MAGI1: variants seen among roughly 807,000 people sequenced by gnomAD.
MAGI1 encodes the protein membrane associated guanylate kinase, WW and PDZ domain containing 1, also known as membrane-associated guanylate kinase, WW and PDZ domain-containing protein 1.
In MAGI1, 58 loss-of-function variants were observed where a neutral mutation model predicts 139.9. That is an observed-to-expected ratio of 0.41 (90% confidence interval 0.34 to 0.52). The LOEUF is 0.52. Among genes scored for constraint, MAGI1 ranks in the 20% least tolerant of loss-of-function variants. MAGI1 has a pLI of 0.12. For missense variants in MAGI1, 1,874 were observed against 1,901.6 expected, an observed-to-expected ratio of 0.99 and a Z score of 0.27; for synonymous variants, 812 against 737.9, an observed-to-expected ratio of 1.10 and a Z score of -1.63.
intron 1 of MAGI1, among the ~76,000 whole-genome samples, chr3:65,775,728 C>T (rs182743660): frequency 1.8e-3 from 269 of 151,466 alleles, no homozygotes; most frequent in South Asian, 5.6e-3. Context: ...GTTGCTTGAG[C>T]CCCAGGAGTT....
intron 1 of MAGI1, among the ~76,000 whole-genome samples, chr3:65,843,512 C>T (rs1159500425): frequency 2.0e-5 from 3 of 152,132 alleles, no homozygotes; most frequent in Non-Finnish European, 2.9e-5. Flanking sequence ...AGTAAATAAA[C>T]GTCAGTTTGT....
intron 1 of MAGI1, among the ~76,000 whole-genome samples, chr3:65,862,421 T>G (rs139453380): frequency 1.3e-5 from 2 of 152,326 alleles, no homozygotes; most frequent in Non-Finnish European, 2.9e-5. Context: ...CCTTTCTGTC[T>G]CTGTGTTTCT....
chr3:65,429,381 A>C (rs1318798980), intron 12 of MAGI1, 139 bp downstream of exon 12: 1 of 838,462 alleles, frequency 1.2e-6, no homozygotes, highest in Non-Finnish European at 1.8e-6. Flanking sequence ...TAAAGAGGTT[A>C]GTATTTGGAG....
At chr3:65,430,919 C>T (rs1164437864) in intron 10 of MAGI1, 38 bp from the exon 11 acceptor site, 2 of 1,579,858 alleles carry the variant, frequency 1.3e-6, no homozygotes, top group Middle Eastern at 1.7e-4. Context: ...AATGTCACCA[C>T]TGGTGAAAAG....
At chr3:65,840,986 A>T (rs1003346494) in intron 1 of MAGI1, among the ~76,000 whole-genome samples, 1 of 152,162 alleles carries the variant, frequency 6.6e-6, no homozygotes, top group African/African-American at 2.4e-5. Flanking sequence ...CAAATTATCC[A>T]TTTGATAGTA....
At chr3:65,995,237 A>G (rs1576397602) in intron 1 of MAGI1, among the ~76,000 whole-genome samples, 2 of 152,232 alleles carry the variant, frequency 1.3e-5, no homozygotes, top group Non-Finnish European at 2.9e-5. Flanking sequence ...AAAGGTGCTG[A>G]GATAAGCAAA....
chr3:65,993,126 A>G (rs545385507), intron 1 of MAGI1, among the ~76,000 whole-genome samples: 300 of 152,158 alleles, frequency 2.0e-3, no homozygotes, highest in Non-Finnish European at 3.3e-3. Context: ...GCTTCATTAC[A>G]GCTTTATTTC....
rs193124730 is a variant in MAGI1, at chr3:65,532,551, G to A, written c.431-38920C>T. ...CTTTCAGGAAAAGACCTTAAATAGA[G>A]AAGGCACATCTCTCTTTTGCTCTTT... On this transcript the variant is annotated intron_variant, in intron 2 of 22. Coordinates refer to ENST00000402939, the MANE Select transcript of MAGI1 (RefSeq NM_001033057.2). Among the ~76,000 whole-genome samples the A allele has an allele frequency of 1.4e-4, 22 of 152,324 alleles. No homozygotes were observed. The East Asian group carries it at 1.9e-3, about 13-fold the overall frequency.
intron 1 of MAGI1, among the ~76,000 whole-genome samples, chr3:65,835,657 C>T (rs1216769851): frequency 6.6e-6 from 1 of 152,026 alleles, no homozygotes; most frequent in African/African-American, 2.4e-5. Context: ...ACTTTCATTG[C>T]CAGATAATAT....
chr3:65,684,156 A>T (rs536119452), intron 1 of MAGI1, among the ~76,000 whole-genome samples: 2 of 143,078 alleles, frequency 1.4e-5, no homozygotes, highest in Admixed American at 1.4e-4. Flanking sequence ...CCTGAGCAAC[A>T]GAGACTGTCT....
intron 1 of MAGI1, among the ~76,000 whole-genome samples, chr3:65,825,771 C>T (rs1019838576): frequency 2.6e-5 from 4 of 152,110 alleles, no homozygotes; most frequent in Non-Finnish European, 4.4e-5. Flanking sequence ...AGGCAGATCA[C>T]GACGTCAAGA....
intron 1 of MAGI1, among the ~76,000 whole-genome samples, chr3:65,890,432 C>T (rs264714): frequency 0.065 from 9,872 of 152,238 alleles, 1,047 homozygotes; most frequent in African/African-American, 0.22. Context: ...GGCACACACA[C>T]ACACCGAGGA....
chr3:65,598,078 T>C (rs985055166), intron 2 of MAGI1, among the ~76,000 whole-genome samples: 2 of 152,236 alleles, frequency 1.3e-5, no homozygotes, highest in African/African-American at 2.4e-5. Context: ...GCGCCTTTTA[T>C]ATTACTGGCG....
At chr3:65,589,933 G>C (rs1266159336) in intron 2 of MAGI1, among the ~76,000 whole-genome samples, 2 of 151,700 alleles carry the variant, frequency 1.3e-5, no homozygotes, top group African/African-American at 4.8e-5. Flanking sequence ...TGGCATCTCT[G>C]TGTCCATCCC....
chr3:66,011,440 T>G (rs1178493604), intron 1 of MAGI1, among the ~76,000 whole-genome samples: 1 of 152,054 alleles, frequency 6.6e-6, no homozygotes, highest in Non-Finnish European at 1.5e-5. Context: ...CACACAAACA[T>G]ACACCCCTAT....
intron 1 of MAGI1, among the ~76,000 whole-genome samples, chr3:65,922,610 G>C (rs997755190): frequency 6.6e-6 from 1 of 152,192 alleles, no homozygotes; most frequent in Non-Finnish European, 1.5e-5. Context: ...CAGACTTCTA[G>C]CTTCCAAAAC....
chr3:65,856,557 C>A (rs2059384097), intron 1 of MAGI1, among the ~76,000 whole-genome samples: 1 of 152,168 alleles, frequency 6.6e-6, no homozygotes, highest in Non-Finnish European at 1.5e-5. Flanking sequence ...AGAAGGTCAT[C>A]GGGTGACACA....
chr3:65,792,559 T>C (rs2039860463), intron 1 of MAGI1, among the ~76,000 whole-genome samples: 1 of 152,118 alleles, frequency 6.6e-6, no homozygotes, highest in Admixed American at 6.5e-5. Context: ...TAGCTAGCTA[T>C]ATAGCTAGCT....
At chr3:65,410,727 C>T (rs1945728945) in intron 12 of MAGI1, among the ~76,000 whole-genome samples, 1 of 152,100 alleles carries the variant, frequency 6.6e-6, no homozygotes, top group Non-Finnish European at 1.5e-5. Flanking sequence ...TAACACATCC[C>T]TGATATTTTA....
Sources: allele counts gnomAD v4.1 joint callset (sites outside exome capture counted in the v4.1 genomes callset), GRCh38; gene constraint gnomAD v4.1.1; transcripts MANE v1.5; gene names NCBI Gene and HGNC (gene_info 2026-07-23, HGNC 2026-07-21).